Variants in RARB observed in about 807,000 individuals in gnomAD.
RARB encodes the protein HBV-activated protein.
Under a neutral mutation model 51.9 loss-of-function variants are expected in RARB, and 17 were observed. That is an observed-to-expected ratio of 0.33 (90% CI 0.22 to 0.49). The LOEUF (loss-of-function observed/expected upper bound fraction) is 0.49, where lower values mean the gene tolerates loss of function less well. Ranked by LOEUF, RARB falls within the 20% of genes least tolerant of loss-of-function variation. The pLI is 0.99. For missense variants in RARB, 369 were observed against 550.8 expected, an observed-to-expected ratio of 0.67 and a Z score of 3.30; for synonymous variants, 215 against 195.4, an observed-to-expected ratio of 1.10 and a Z score of -0.84.
chr3:24,893,560 T>C (rs1365472991), intron 2 of RARB, among the ~76,000 whole-genome samples: 1 of 152,222 alleles, frequency 6.6e-6, no homozygotes, highest in African/African-American at 2.4e-5. Flanking sequence ...CTTGCTTTGT[T>C]GTCTAGGCTG....
intron 2 of RARB, among the ~76,000 whole-genome samples, chr3:24,945,779 C>T (rs1224219923): frequency 1.3e-5 from 2 of 152,222 alleles, no homozygotes; most frequent in African/African-American, 4.8e-5. Context: ...CCTTATGCAA[C>T]TCCCTGAGGC....
At chr3:25,307,835 G>A (rs1297937216) in intron 5 of RARB, among the ~76,000 whole-genome samples, 1 of 152,164 alleles carries the variant, frequency 6.6e-6, no homozygotes, top group Non-Finnish European at 1.5e-5. Context: ...AAAACTAAAT[G>A]CTACCCCAAA....
intron 5 of RARB, among the ~76,000 whole-genome samples, chr3:25,220,295 C>T (rs527345633): frequency 2.6e-5 from 4 of 152,156 alleles, no homozygotes; most frequent in South Asian, 2.1e-4. Context: ...TGTAGGAATT[C>T]ATCTTGCAGT....
chr3:25,128,078 G>C (rs2125331785), intron 3 of RARB, among the ~76,000 whole-genome samples: 2 of 152,164 alleles, frequency 1.3e-5, no homozygotes, highest in Middle Eastern at 6.8e-3. Context: ...TGTTGTCACA[G>C]GGAAGAATAA....
chr3:25,149,563 T>A (rs751216852), intron 4 of RARB, among the ~76,000 whole-genome samples: 49 of 152,312 alleles, frequency 3.2e-4, no homozygotes, highest in Non-Finnish European at 5.9e-4. Context: ...GTCCCACATT[T>A]TACTCCAGTG....
intron 5 of RARB, among the ~76,000 whole-genome samples, chr3:25,307,151 G>A (rs368753768): frequency 1.3e-4 from 20 of 152,040 alleles, no homozygotes; most frequent in African/African-American, 3.6e-4. Flanking sequence ...TGAGGCAGGC[G>A]GATCAATTGA....
chr3:24,961,096 C>A (rs1016978715), intron 2 of RARB, among the ~76,000 whole-genome samples: 2 of 152,090 alleles, frequency 1.3e-5, no homozygotes, highest in Admixed American at 6.5e-5. Context: ...TTTTTGAAAA[C>A]TGAAAAGAAC....
At chr3:25,384,258 G>A (rs941168223) in intron 5 of RARB, among the ~76,000 whole-genome samples, 1 of 152,142 alleles carries the variant, frequency 6.6e-6, no homozygotes, top group African/African-American at 2.4e-5. Context: ...TGAAAAGTCA[G>A]TATAATGTCT....
chr3:25,064,220 C>T (rs1450480738), intron 3 of RARB, among the ~76,000 whole-genome samples: 1 of 151,988 alleles, frequency 6.6e-6, no homozygotes, highest in Admixed American at 6.6e-5. Flanking sequence ...GCCATCTCAA[C>T]AAAATAGTAA....
chr3:25,450,765 C>T (rs189302469), intron 1 of RARB, among the ~76,000 whole-genome samples: 6 of 152,096 alleles, frequency 3.9e-5, no homozygotes, highest in Admixed American at 1.3e-4. Flanking sequence ...CAGAATGTCC[C>T]GTGAGAGACA....
intron 4 of RARB, among the ~76,000 whole-genome samples, chr3:25,576,335 G>A (rs1406921500): frequency 6.6e-6 from 1 of 152,182 alleles, no homozygotes; most frequent in East Asian, 1.9e-4. Flanking sequence ...ACAGGGCAGG[G>A]CTTTTGATCT....
At chr3:25,543,431 C>T (rs1312774436) in intron 3 of RARB, among the ~76,000 whole-genome samples, 1 of 152,166 alleles carries the variant, frequency 6.6e-6, no homozygotes, top group African/African-American at 2.4e-5. Flanking sequence ...TCTGTTCAGG[C>T]AGTGAAAATA....
chr3:25,012,109 G>T (rs1697411809), intron 2 of RARB, among the ~76,000 whole-genome samples: 1 of 151,976 alleles, frequency 6.6e-6, no homozygotes, highest in Non-Finnish European at 1.5e-5. Flanking sequence ...TTTCATTTCA[G>T]ACATGGACAG....
At chr3:25,373,897 T>G (rs906032119) in intron 5 of RARB, among the ~76,000 whole-genome samples, 1 of 152,112 alleles carries the variant, frequency 6.6e-6, no homozygotes, top group African/African-American at 2.4e-5. Flanking sequence ...AAAATCAGGG[T>G]AGCTCACACG....
intron 5 of RARB, among the ~76,000 whole-genome samples, chr3:25,260,298 A>G (rs1272509316): frequency 6.6e-6 from 1 of 152,162 alleles, no homozygotes; most frequent in Non-Finnish European, 1.5e-5. Context: ...AAATACATAT[A>G]TATGTGGTTT....
intron 2 of RARB, among the ~76,000 whole-genome samples, chr3:24,871,049 A>G (rs910810023): frequency 2.0e-5 from 3 of 151,834 alleles, no homozygotes; most frequent in African/African-American, 4.8e-5. Context: ...ATTCTACTCT[A>G]TCTTTATGAG....
chr3:25,236,082 T>C (rs576144289), intron 5 of RARB, among the ~76,000 whole-genome samples: 1 of 152,204 alleles, frequency 6.6e-6, no homozygotes, highest in East Asian at 1.9e-4. Context: ...GTAGATCTAT[T>C]TTTGTGTATT....
intron 5 of RARB, among the ~76,000 whole-genome samples, chr3:25,371,772 G>C (rs935479259): frequency 6.6e-6 from 1 of 152,224 alleles, no homozygotes; most frequent in Non-Finnish European, 1.5e-5. Context: ...AGCATTTACT[G>C]TTTGAAAATG....
At chr3:25,467,463 T>C (rs907544611) in intron 2 of RARB, among the ~76,000 whole-genome samples, 2 of 144,950 alleles carry the variant, frequency 1.4e-5, no homozygotes, top group African/African-American at 2.5e-5. Flanking sequence ...CTTCTTCACG[T>C]GGTGGATGGG....
Sources: gnomAD v4.1 joint callset for allele counts (sites outside exome capture counted in the v4.1 genomes callset) on GRCh38, gnomAD v4.1.1 for gene constraint, MANE v1.5 for transcripts, NCBI Gene and HGNC (gene_info 2026-07-23, HGNC 2026-07-21) for gene names.